Variants in SYT1 observed in about 807,000 individuals in gnomAD.
SYT1 encodes the protein synaptotagmin 1, also known as synaptotagmin-1.
SYT1 carries 8 observed loss-of-function variants against 44.8 expected under a neutral mutation model. The observed-to-expected ratio is 0.18, with a 90% confidence interval of 0.10 to 0.32. SYT1 has a LOEUF of 0.32. Ranked by LOEUF, SYT1 falls within the 10% of genes least tolerant of loss-of-function variation. SYT1 has a pLI of 1.00. For synonymous variants in SYT1, 154 were observed against 188.8 expected (o/e 0.82, Z 1.51); for missense variants, 286 against 509.3 (o/e 0.56, Z 4.22).
At chr12:78,954,814 TG>T (rs1174179901) in intron 1 of SYT1, among the ~76,000 whole-genome samples, 1 of 152,150 alleles carries the variant, frequency 6.6e-6, no homozygotes, top group African/African-American at 2.4e-5. Flanking sequence ...CTTAAACAAA[TG>T]CATATTGCCT....
intron 8 of SYT1, among the ~76,000 whole-genome samples, chr12:79,351,050 A>C (rs1333046259): frequency 6.6e-6 from 1 of 152,252 alleles, no homozygotes; most frequent in Non-Finnish European, 1.5e-5. Flanking sequence ...TACATGTTAA[A>C]GTTCTTAAAC....
chr12:79,005,539 A>G (rs1323856583), intron 2 of SYT1, among the ~76,000 whole-genome samples: 1 of 152,018 alleles, frequency 6.6e-6, no homozygotes, highest in Non-Finnish European at 1.5e-5. Context: ...TATATGTAAA[A>G]CACTTAATGG....
intron 1 of SYT1, among the ~76,000 whole-genome samples, chr12:78,886,701 G>T (rs1440540185): frequency 6.6e-6 from 1 of 151,886 alleles, no homozygotes; most frequent in Non-Finnish European, 1.5e-5. Flanking sequence ...GAAAGGTTTG[G>T]GTTGTTTTCA....
At chr12:79,140,599 G>A (rs1230485490) in intron 3 of SYT1, among the ~76,000 whole-genome samples, 3 of 152,178 alleles carry the variant, frequency 2.0e-5, no homozygotes, top group Non-Finnish European at 4.4e-5. Flanking sequence ...GGGTTCTACA[G>A]ATTGCATACA....
At position 79,299,553 on chromosome 12, in the gene SYT1, TAAGGG is replaced by T; in HGVS notation, c.810+5_810+9del. 1 of 1,610,910 alleles carries T rather than the reference TAAGGG, an allele frequency of 6.2e-7. No individual in the cohort carries two copies. The highest frequency in any genetic ancestry group is 8.5e-7 in the Non-Finnish European group (1 of 1,178,748). Reference sequence around the variant, plus strand: ...CTGCAAAGTGCTGAGAAGGAAGAGGTAAGGGAATTACTAGCATTTCTAACATCACA... The same window carrying T: ...CTGCAAAGTGCTGAGAAGGAAGAGGTAATTACTAGCATTTCTAACATCACA... On this transcript the variant is annotated splice_donor_5th_base_variant and intron_variant, in intron 8 of 10. Transcript: ENST00000261205.
intron 4 of SYT1, among the ~76,000 whole-genome samples, chr12:79,248,030 A>G (rs1876957236): frequency 6.6e-6 from 1 of 152,220 alleles, no homozygotes; most frequent in Non-Finnish European, 1.5e-5. Context: ...AATTAAGTCA[A>G]ATTTTAAAGT....
At chr12:79,079,676 A>G (rs900300104) in intron 3 of SYT1, among the ~76,000 whole-genome samples, 1 of 152,110 alleles carries the variant, frequency 6.6e-6, no homozygotes, top group African/African-American at 2.4e-5. Flanking sequence ...GAACCTTTGA[A>G]ACATGCACGT....
At chr12:79,369,139 A>G (rs1049288154) in intron 9 of SYT1, among the ~76,000 whole-genome samples, 35 of 152,326 alleles carry the variant, frequency 2.3e-4, no homozygotes, top group African/African-American at 7.7e-4. Flanking sequence ...AACATCCTCT[A>G]TGAAGCTATA....
At chr12:79,242,900 A>G (rs909778107) in intron 4 of SYT1, among the ~76,000 whole-genome samples, 1 of 152,224 alleles carries the variant, frequency 6.6e-6, no homozygotes. Context: ...TACTGCTATG[A>G]AGAAATACCC....
intron 3 of SYT1, among the ~76,000 whole-genome samples, chr12:79,156,188 A>G (rs1592800361): frequency 6.6e-6 from 1 of 152,132 alleles, no homozygotes; most frequent in East Asian, 1.9e-4. Context: ...GACAGAATGA[A>G]CTGACAGAAT....
At chr12:79,347,041 C>CT (rs59524429) in intron 8 of SYT1, among the ~76,000 whole-genome samples, 3,933 of 125,872 alleles carry the variant, frequency 0.031, 80 homozygotes, top group Non-Finnish European at 0.044. Context: ...TTTGTTTTTT[C>CT]TTTTTTTTTT....
intron 1 of SYT1, among the ~76,000 whole-genome samples, chr12:78,953,978 A>G (rs940065213): frequency 6.6e-6 from 1 of 152,062 alleles, no homozygotes; most frequent in African/African-American, 2.4e-5. Flanking sequence ...AGTGATATTA[A>G]GGCAAATTAT....
At chr12:78,934,173 T>TAC (rs78125687) in intron 1 of SYT1, among the ~76,000 whole-genome samples, 1,967 of 148,254 alleles carry the variant, frequency 0.013, 44 homozygotes, top group African/African-American at 0.045. Context: ...CACACACACA[T>TAC]ACACACACAC....
intron 8 of SYT1, among the ~76,000 whole-genome samples, chr12:79,323,955 T>TTC (rs1276456728): frequency 6.9e-6 from 1 of 144,658 alleles, no homozygotes; most frequent in East Asian, 2.0e-4. Context: ...TTTCTTTTTT[T>TTC]TTTTTTTTTT....
At chr12:79,146,062 A>AT in intron 3 of SYT1, among the ~76,000 whole-genome samples, 1 of 152,270 alleles carries the variant, frequency 6.6e-6, no homozygotes, top group Non-Finnish European at 1.5e-5. Flanking sequence ...CGGCCTAAAC[A>AT]TAGTGTTTTA....
chr12:79,302,282 A>G (rs1880187904), intron 8 of SYT1, among the ~76,000 whole-genome samples: 1 of 152,190 alleles, frequency 6.6e-6, no homozygotes, highest in South Asian at 2.1e-4. Flanking sequence ...TTTGGAATCT[A>G]GAACAAGTAC....
At chr12:79,039,400 C>T (rs1028938872) in intron 2 of SYT1, among the ~76,000 whole-genome samples, 1 of 151,918 alleles carries the variant, frequency 6.6e-6, no homozygotes, top group Non-Finnish European at 1.5e-5. Context: ...AATTACATTA[C>T]TGAAACATCA....
intron 9 of SYT1, among the ~76,000 whole-genome samples, chr12:79,354,833 C>G (rs1883047591): frequency 6.6e-6 from 1 of 152,168 alleles, no homozygotes; most frequent in Non-Finnish European, 1.5e-5. Flanking sequence ...TACTTAGTTT[C>G]CTAAGGTAAC....
intron 4 of SYT1, among the ~76,000 whole-genome samples, chr12:79,221,620 A>G (rs1875167145): frequency 6.6e-6 from 1 of 152,178 alleles, no homozygotes; most frequent in African/African-American, 2.4e-5. Context: ...AAACATCTAT[A>G]GTTATAACAG....
Sources: gnomAD v4.1 joint callset for allele counts (sites outside exome capture counted in the v4.1 genomes callset) on GRCh38, gnomAD v4.1.1 for gene constraint, MANE v1.5 for transcripts, NCBI Gene and HGNC (gene_info 2026-07-23, HGNC 2026-07-21) for gene names.